The following FANK1 variants were observed in gnomAD, a reference collection of about 807,000 sequenced individuals.
The protein encoded by FANK1 is fibronectin type III and ankyrin repeat domains 1, also known as fibronectin type 3 and ankyrin repeat domains protein 1.
A neutral mutation model predicts 45.3 loss-of-function variants in FANK1; 44 were observed. That is an observed-to-expected ratio of 0.97 (90% CI 0.76 to 1.25). FANK1 has a LOEUF of 1.25. Among genes scored for constraint, FANK1 ranks in the 50% most tolerant of loss-of-function variants. The pLI is 0.00. For missense variants in FANK1, 391 were observed against 424.4 expected (o/e 0.92, Z 0.69); for synonymous variants, 149 against 152.5 (o/e 0.98, Z 0.17).
intron 1 of FANK1, among the ~76,000 whole-genome samples, chr10:125,917,087 G>A (rs1473259223): frequency 1.3e-5 from 2 of 152,208 alleles, no homozygotes; most frequent in African/African-American, 4.8e-5. Flanking sequence ...TTTGGGCTGA[G>A]CTCCTGCACT....
chr10:125,942,180 G>T (rs1948493297), intron 1 of FANK1, among the ~76,000 whole-genome samples: 1 of 152,192 alleles, frequency 6.6e-6, no homozygotes, highest in African/African-American at 2.4e-5. Context: ...AAAATGCTAG[G>T]AGTAAATTTC....
rs750662286 is a variant in FANK1 at position 125,995,421 on chromosome 10, G to A, written c.321G>A (p.Glu107=). 4.5e-5 allele frequency: 72 copies of A among 1,613,998 alleles called. No homozygotes were observed. The highest frequency in any genetic ancestry group is 5.9e-5 in the Non-Finnish European group (70 of 1,179,982). ...CCTTCCATCTCATTTCTCCAGGAGA[G>A]CCCATAAGTAGTGAGCACTTGCACC... is the stretch of plus-strand genomic sequence containing the variant. ...SPLVSVSTTR[E]PISSEHLHRA... The change falls in exon 4 of 11, where the codon GAG becomes GAA. Residue 107 remains glutamate, a synonymous_variant. Transcript: ENST00000368693.
In FANK1 at chr10:125,916,860, C is replaced by T. The variant is rs113678527; in HGVS notation, c.13+20205C>T. Among the ~76,000 whole-genome samples, 7 of 152,212 alleles carry T rather than the reference C, an allele frequency of 4.6e-5. No individual in the cohort carries two copies. The South Asian group carries it at 6.2e-4, about 14-fold the overall frequency. ...CTGACCTTCCCACCCTCTTCTCTGA[C>T]GCAGGTCACAAGGCCCTTGGGTGAG... On this transcript the variant is annotated intron_variant, in intron 1 of 10. Coordinates refer to ENST00000368693, the MANE Select transcript of FANK1 (RefSeq NM_145235.5).
intron 1 of FANK1, among the ~76,000 whole-genome samples, chr10:125,955,817 C>T (rs998062913): frequency 6.6e-6 from 1 of 152,110 alleles, no homozygotes; most frequent in Non-Finnish European, 1.5e-5. Flanking sequence ...CAGTTGTATG[C>T]TTCATCTCAA....
At chr10:125,984,522 T>C (rs764160533) in intron 2 of FANK1, among the ~76,000 whole-genome samples, 16 of 152,176 alleles carry the variant, frequency 1.1e-4, no homozygotes, top group Non-Finnish European at 1.5e-4. Flanking sequence ...TGGGGAAGAC[T>C]GTGGGTGGAG....
chr10:125,912,747 C>T (rs1946128559), intron 1 of FANK1, among the ~76,000 whole-genome samples: 1 of 152,174 alleles, frequency 6.6e-6, no homozygotes, highest in African/African-American at 2.4e-5. Context: ...AAGCAATTCT[C>T]ATGCCTCAGC....
intron 1 of FANK1, among the ~76,000 whole-genome samples, chr10:125,928,261 C>CTTTTTTTTTTTTTTTTTTT (rs34889746): frequency 1.5e-5 from 2 of 137,722 alleles, no homozygotes; most frequent in Non-Finnish European, 1.5e-5. Context: ...TTATTCGTGC[C>CTTTTTTTTTTTTTTTTTTT]TTTTTTTTTT....
In FANK1 at chr10:125,928,261, C is replaced by CTTTTTT. The variant is rs34889746; in HGVS notation, c.13+31619_13+31624dup. On this transcript the variant is annotated intron_variant, in intron 1 of 10. Transcript: ENST00000368693. ...TAAACAAGGGGTGGATTATTCGTGCCTTTTTTTTTTTTTTTTTTAAAGACC... is the reference window on the plus strand; with the variant it reads ...TAAACAAGGGGTGGATTATTCGTGCCTTTTTTTTTTTTTTTTTTTTTTTTAAAGACC... Among the ~76,000 whole-genome samples, 4 of 137,722 alleles carry CTTTTTT rather than the reference C, an allele frequency of 2.9e-5. 1 individual carries two copies. The highest frequency in any genetic ancestry group is 7.3e-5 in the Admixed American group (1 of 13,654). 90.4% of individuals were successfully genotyped at this position (137,722 alleles called of 152,430 possible). A position where few individuals can be genotyped will look rare whatever the true frequency, so the allele number is the denominator to read the frequency against.
intron 1 of FANK1, among the ~76,000 whole-genome samples, chr10:125,911,036 C>CAAAAAAAAAA (rs60802998): frequency 7.6e-6 from 1 of 130,788 alleles, no homozygotes; most frequent in East Asian, 2.3e-4. Flanking sequence ...TCCGTCTTTC[C>CAAAAAAAAAA]AAAAAAAAAA....
chr10:125,987,964 C>T (rs1442573022), intron 2 of FANK1, among the ~76,000 whole-genome samples: 2 of 152,228 alleles, frequency 1.3e-5, no homozygotes, highest in Non-Finnish European at 2.9e-5. Context: ...CAGAAGTGCT[C>T]AGCATCCATT....
chr10:125,946,324 C>A (rs1948798039), intron 1 of FANK1, among the ~76,000 whole-genome samples: 1 of 148,622 alleles, frequency 6.7e-6, no homozygotes, highest in South Asian at 2.1e-4. Context: ...TACGGGAGGA[C>A]ATTCAAACCA....
rs142716284 is a variant in FANK1, at chr10:125,919,195, A to ATTTTTTTTTTTTTTTTTT, written c.13+22551_13+22568dup. On this transcript the variant is annotated intron_variant, in intron 1 of 10. Coordinates refer to ENST00000368693, the MANE Select transcript of FANK1 (RefSeq NM_145235.5). ...AGTAAAATACTTCCAGGAGGTAAGA[A>ATTTTTTTTTTTTTTTTTT]TTTTTTTTTTTTTTTTTTTTTTTTT... Among the ~76,000 whole-genome samples, 159 of 51,878 alleles carry ATTTTTTTTTTTTTTTTTT rather than the reference A, an allele frequency of 3.1e-3. 30 individuals carry two copies. Among genetic ancestry groups the ATTTTTTTTTTTTTTTTTT allele is most frequent in the Non-Finnish European group, 4.1e-3 (123 of 29,814 alleles). The allele number at this position is 51,878 out of a possible 152,430, so 34.0% of individuals were successfully genotyped here.
intron 1 of FANK1, among the ~76,000 whole-genome samples, chr10:125,919,584 A>G (rs1946795298): frequency 6.6e-6 from 1 of 151,964 alleles, no homozygotes; most frequent in Admixed American, 6.6e-5. Context: ...AAGGCAGAAT[A>G]CTAAAGACTA....
chr10:125,913,012 A>G (rs1443722869), intron 1 of FANK1, among the ~76,000 whole-genome samples: 1 of 152,252 alleles, frequency 6.6e-6, no homozygotes, highest in African/African-American at 2.4e-5. Context: ...CCACAAAATT[A>G]TGTATCATGG....
At chr10:125,958,011 C>T (rs1472543916) in intron 1 of FANK1, among the ~76,000 whole-genome samples, 1 of 152,062 alleles carries the variant, frequency 6.6e-6, no homozygotes, top group African/African-American at 2.4e-5. Flanking sequence ...GTGATCGCAT[C>T]AGGGTAATTA....
chr10:126,009,447 C>A lies in FANK1; in HGVS notation c.*9C>A, dbSNP rs1409548519. On this transcript the variant is annotated 3_prime_UTR_variant, in exon 11 of 11. Coordinates refer to ENST00000368693, the MANE Select transcript of FANK1 (RefSeq NM_145235.5). The stretch of plus-strand genomic sequence containing the variant: ...AGTCTTGTGTCTGCTGATGAGAGCA[C>A]CACTCATCTGCGAAACGCACGTAAA... 1 of 1,612,346 alleles carries A rather than the reference C, an allele frequency of 6.2e-7. No homozygotes were observed. Among genetic ancestry groups the A allele is most frequent in the African/African-American group, 1.3e-5 (1 of 74,878 alleles).
At chr10:125,902,875 C>T (rs113493614) in intron 1 of FANK1, among the ~76,000 whole-genome samples, 1 of 152,226 alleles carries the variant, frequency 6.6e-6, no homozygotes, top group African/African-American at 2.4e-5. Context: ...GTAGTCTTAG[C>T]CCCGAAGAAT....
intron 1 of FANK1, among the ~76,000 whole-genome samples, chr10:125,933,194 T>G (rs1947864125): frequency 6.6e-6 from 1 of 152,180 alleles, no homozygotes; most frequent in Admixed American, 6.5e-5. Context: ...GATTTTGGTA[T>G]TAGGGTGACT....
chr10:125,898,326 G>A (rs1391485024), intron 1 of FANK1, among the ~76,000 whole-genome samples: 1 of 152,078 alleles, frequency 6.6e-6, no homozygotes, highest in Non-Finnish European at 1.5e-5. Flanking sequence ...CTGTTCTAGG[G>A]ATTGAGGATT....
Sources: allele counts gnomAD v4.1 joint callset (sites outside exome capture counted in the v4.1 genomes callset), GRCh38; gene constraint gnomAD v4.1.1; transcripts MANE v1.5; gene names NCBI Gene and HGNC (gene_info 2026-07-23, HGNC 2026-07-21).